WBP1L: variants seen among roughly 807,000 people sequenced by gnomAD.
WBP1L encodes the protein WW domain binding protein 1 like.
Under a neutral mutation model 33.7 loss-of-function variants are expected in WBP1L, and 17 were observed. The observed-to-expected ratio is 0.50, with a 90% confidence interval of 0.34 to 0.76. WBP1L has a LOEUF of 0.76. WBP1L is among the 30% of genes least tolerant of loss of function. The pLI is 0.01. For missense variants in WBP1L, 389 were observed against 469.4 expected (o/e 0.83, Z 1.58); for synonymous variants, 173 against 190.8 (o/e 0.91, Z 0.77).
At chr10:102,782,602 G>A (rs1003435106) in intron 1 of WBP1L, among the ~76,000 whole-genome samples, 1 of 152,074 alleles carries the variant, frequency 6.6e-6, no homozygotes, top group African/African-American at 2.4e-5. Context: ...TGTAGCAACA[G>A]TGGGTTGAAA....
chr10:102,811,154 G>A (rs1182341512), intron 3 of WBP1L, among the ~76,000 whole-genome samples: 2 of 152,014 alleles, frequency 1.3e-5, no homozygotes, highest in Non-Finnish European at 2.9e-5. Context: ...CACCGGGCTC[G>A]GTGGCTCAGC....
Position 102,813,257 on chromosome 10 carries a change from C to T in WBP1L, c.1018C>T (p.Pro340Ser), listed in dbSNP as rs1438448813. ...EPGHPHLPRP[P>S]ACLLLNTINE... ...TGGGCACCCGCACCTGCCACGGCCG[C>T]CCGCATGCCTGCTGCTGAACACCAT... Residue 340 changes from proline to serine, a missense_variant, in exon 4 of 4, where the codon CCC (proline) becomes TCC (serine). Physicochemically the swap from Pro to Ser is moderately conservative, Grantham distance 74. Transcript: ENST00000448841. 6.2e-6 allele frequency: 10 copies of T among 1,613,102 alleles called. No homozygotes were observed. Among genetic ancestry groups the T allele is most frequent in the Non-Finnish European group, 8.5e-6 (10 of 1,179,998 alleles).
chr10:102,800,520 T>C (rs1173675167), intron 2 of WBP1L, among the ~76,000 whole-genome samples: 1 of 152,118 alleles, frequency 6.6e-6, no homozygotes, highest in Non-Finnish European at 1.5e-5. Flanking sequence ...CGGCTAAGTG[T>C]CTCTCTAGCT....
rs1043413978 is a variant in WBP1L at position 102,814,010 on chromosome 10, G to A, written c.*679G>A. The A allele has an allele frequency of 8.5e-5, 13 of 152,270 alleles. No homozygotes were observed. Among genetic ancestry groups the A allele is most frequent in the African/African-American group, 3.1e-4 (13 of 41,454 alleles). 9.4% of individuals were successfully genotyped at this position (152,270 alleles called of 1,614,324 possible). A position where few individuals can be genotyped will look rare whatever the true frequency, so the allele number is the denominator to read the frequency against. On this transcript the variant is annotated 3_prime_UTR_variant, in exon 4 of 4. Coordinates refer to ENST00000448841, the MANE Select transcript of WBP1L (RefSeq NM_001083913.2). ...TCTGGCTGGCCGCAGGCTGGTTCTG[G>A]TGTGAAAGGTTATACTGCCTTTTCT...
intron 1 of WBP1L, among the ~76,000 whole-genome samples, chr10:102,785,916 C>T (rs1843408339): frequency 6.6e-6 from 1 of 152,188 alleles, no homozygotes; most frequent in African/African-American, 2.4e-5. Context: ...TGTAGCCTGC[C>T]AGACTCCACA....
At chr10:102,770,758 G>A (rs1183216364) in intron 1 of WBP1L, among the ~76,000 whole-genome samples, 1 of 152,176 alleles carries the variant, frequency 6.6e-6, no homozygotes, top group Non-Finnish European at 1.5e-5. Context: ...AGTGTGCATG[G>A]CAGTCTCATA....
At chr10:102,810,397 CTT>C (rs1436931639) in intron 3 of WBP1L, among the ~76,000 whole-genome samples, 1 of 7,128 alleles carries the variant, frequency 1.4e-4, no homozygotes, top group Non-Finnish European at 8.8e-4. Context: ...CTCTTTCTCT[CTT>C]TCTTTCTTTC....
intron 2 of WBP1L, among the ~76,000 whole-genome samples, chr10:102,802,618 C>T (rs535860364): frequency 9.3e-4 from 141 of 152,264 alleles, no homozygotes; most frequent in African/African-American, 3.2e-3. Context: ...ACCTCAGCCT[C>T]CCAAATAGCT....
chr10:102,776,223 T>G, intron 1 of WBP1L: 2 of 1,519,188 alleles, frequency 1.3e-6, no homozygotes, highest in Non-Finnish European at 8.9e-7. Flanking sequence ...CAGGAGACAG[T>G]GTGCCTGCTC....
chr10:102,782,804 G>A (rs1438496996), intron 1 of WBP1L, among the ~76,000 whole-genome samples: 1 of 152,176 alleles, frequency 6.6e-6, no homozygotes, highest in African/African-American at 2.4e-5. Context: ...GGGAATGGCT[G>A]GAGTGTGACA....
intron 1 of WBP1L, among the ~76,000 whole-genome samples, chr10:102,782,182 G>A (rs1347364458): frequency 7.6e-6 from 1 of 132,290 alleles, no homozygotes; most frequent in Admixed American, 7.8e-5. Context: ...GTTAATTTTT[G>A]AACCCCCAAC....
At chr10:102,786,425 C>T (rs981177087) in intron 1 of WBP1L, among the ~76,000 whole-genome samples, 1 of 152,184 alleles carries the variant, frequency 6.6e-6, no homozygotes, top group Non-Finnish European at 1.5e-5. Context: ...CTTGAATATA[C>T]ATAAACATAA....
chr10:102,775,559 A>G (rs1843249080), intron 1 of WBP1L, among the ~76,000 whole-genome samples: 1 of 152,198 alleles, frequency 6.6e-6, no homozygotes, highest in Non-Finnish European at 1.5e-5. Context: ...AAGTGAGGAA[A>G]GATGTTGGCA....
At chr10:102,785,440 G>C (rs1843401746) in intron 1 of WBP1L, among the ~76,000 whole-genome samples, 1 of 150,168 alleles carries the variant, frequency 6.7e-6, no homozygotes, top group Non-Finnish European at 1.5e-5. Context: ...ACCTAGCTCG[G>C]CCTCCCAAAG....
chr10:102,795,582 ACT>A (rs1318696937), intron 1 of WBP1L, among the ~76,000 whole-genome samples: 1 of 152,008 alleles, frequency 6.6e-6, no homozygotes, highest in Non-Finnish European at 1.5e-5. Context: ...AATGCATTCC[ACT>A]CTATGTCTCA....
intron 1 of WBP1L, among the ~76,000 whole-genome samples, chr10:102,748,577 T>C (rs1842891985): frequency 6.6e-6 from 1 of 152,220 alleles, no homozygotes; most frequent in Non-Finnish European, 1.5e-5. Flanking sequence ...TTCTGCAAAC[T>C]CTTTCAGTGG....
At chr10:102,778,794 C>T (rs973272862) in intron 1 of WBP1L, among the ~76,000 whole-genome samples, 2 of 152,064 alleles carry the variant, frequency 1.3e-5, no homozygotes, top group Non-Finnish European at 2.9e-5. Flanking sequence ...ACATAATGCA[C>T]ACACACACAC....
chr10:102,807,740 T>C (rs1465060506), intron 2 of WBP1L, among the ~76,000 whole-genome samples: 1 of 152,060 alleles, frequency 6.6e-6, no homozygotes, highest in African/African-American at 2.4e-5. Flanking sequence ...TTTCATTTAA[T>C]ATCAGAAACT....
At chr10:102,799,173 A>C (rs1003275124) in intron 2 of WBP1L, among the ~76,000 whole-genome samples, 1 of 152,150 alleles carries the variant, frequency 6.6e-6, no homozygotes, top group African/African-American at 2.4e-5. Flanking sequence ...TAAAAATACA[A>C]AAATTATCTG....
Sources: gnomAD v4.1 joint callset for allele counts (sites outside exome capture counted in the v4.1 genomes callset) on GRCh38, gnomAD v4.1.1 for gene constraint, MANE v1.5 for transcripts, NCBI Gene and HGNC (gene_info 2026-07-23, HGNC 2026-07-21) for gene names.